Variants in GALNTL6 observed in about 807,000 individuals in gnomAD.
The protein encoded by GALNTL6 is polypeptide N-acetylgalactosaminyltransferase-like 6.
Under a neutral mutation model 73.7 loss-of-function variants are expected in GALNTL6, and 46 were observed. The observed-to-expected ratio is 0.62, with a 90% CI of 0.49 to 0.80. The LOEUF is 0.80. GALNTL6 is among the 30% of genes least tolerant of loss of function. The pLI is 0.00. For synonymous variants in GALNTL6, 259 were observed against 263.7 expected, an observed-to-expected ratio of 0.98 and a Z score of 0.17; for missense variants, 604 against 755.0, an observed-to-expected ratio of 0.80 and a Z score of 2.34.
chr4:172,539,898 T>G (rs927702144), intron 5 of GALNTL6, among the ~76,000 whole-genome samples: 3 of 138,836 alleles, frequency 2.2e-5, no homozygotes, highest in Non-Finnish European at 3.0e-5. Context: ...TATATATATA[T>G]ATATATATAA....
chr4:172,380,450 T>C, intron 5 of GALNTL6: 1 of 520,686 alleles, frequency 1.9e-6, no homozygotes, highest in Non-Finnish European at 3.7e-6. Context: ...CAGCAAAAGC[T>C]GGGTTTCCTT....
chr4:172,354,308 A>T (rs1356811777), intron 5 of GALNTL6, among the ~76,000 whole-genome samples: 1 of 152,176 alleles, frequency 6.6e-6, no homozygotes, highest in Admixed American at 6.5e-5. Flanking sequence ...AAACTACAAT[A>T]TCAAACCAAA....
At chr4:172,864,086 A>G (rs1744538029) in intron 7 of GALNTL6, among the ~76,000 whole-genome samples, 1 of 152,170 alleles carries the variant, frequency 6.6e-6, no homozygotes, top group African/African-American at 2.4e-5. Flanking sequence ...GCTTTCTGCC[A>G]TGACTGTGAG....
intron 2 of GALNTL6, among the ~76,000 whole-genome samples, chr4:172,112,095 T>A (rs775226719): frequency 6.6e-6 from 1 of 152,064 alleles, no homozygotes; most frequent in Non-Finnish European, 1.5e-5. Flanking sequence ...AAACCAATAA[T>A]CTTTTAACTG....
At chr4:172,031,581 G>T (rs1403375424) in intron 2 of GALNTL6, among the ~76,000 whole-genome samples, 2 of 152,004 alleles carry the variant, frequency 1.3e-5, no homozygotes, top group Admixed American at 6.6e-5. Context: ...TTATTGAGTG[G>T]CAAGGAAGTA....
intron 3 of GALNTL6, among the ~76,000 whole-genome samples, chr4:172,299,143 G>A (rs1371891508): frequency 6.6e-6 from 1 of 152,170 alleles, no homozygotes; most frequent in African/African-American, 2.4e-5. Flanking sequence ...AGACTTTCTA[G>A]TTTATTTGTG....
chr4:172,759,571 C>T (rs1737946532), intron 5 of GALNTL6, among the ~76,000 whole-genome samples: 2 of 152,164 alleles, frequency 1.3e-5, no homozygotes, highest in Non-Finnish European at 2.9e-5. Context: ...TTAGGGTCTC[C>T]TCCCATAGGC....
intron 2 of GALNTL6, among the ~76,000 whole-genome samples, chr4:172,019,247 G>T (rs751236193): frequency 2.0e-5 from 3 of 152,036 alleles, no homozygotes; most frequent in Non-Finnish European, 4.4e-5. Flanking sequence ...CATTAGTCCT[G>T]CCTCCTATCC....
chr4:172,030,009 A>T (rs145157111), intron 2 of GALNTL6, among the ~76,000 whole-genome samples: 1 of 152,272 alleles, frequency 6.6e-6, no homozygotes, highest in Non-Finnish European at 1.5e-5. Flanking sequence ...TGTCGAACTC[A>T]GTTCACTTTT....
chr4:172,358,183 A>G (rs1343433203), intron 5 of GALNTL6, among the ~76,000 whole-genome samples: 1 of 152,222 alleles, frequency 6.6e-6, no homozygotes, highest in African/African-American at 2.4e-5. Flanking sequence ...CTTGAATTCA[A>G]GTTCCAGCTC....
intron 5 of GALNTL6, among the ~76,000 whole-genome samples, chr4:172,794,053 G>C (rs1210945093): frequency 2.0e-5 from 3 of 152,152 alleles, no homozygotes; most frequent in African/African-American, 7.2e-5. Context: ...CTGTAGAACA[G>C]AAATGCAGTC....
intron 9 of GALNTL6, among the ~76,000 whole-genome samples, chr4:172,942,099 G>A (rs1181995810): frequency 6.6e-6 from 1 of 152,134 alleles, no homozygotes; most frequent in Non-Finnish European, 1.5e-5. Flanking sequence ...ACTGAGAAAT[G>A]GTCAAAAACA....
intron 2 of GALNTL6, among the ~76,000 whole-genome samples, chr4:172,132,446 A>C (rs970354102): frequency 2.0e-5 from 3 of 152,252 alleles, no homozygotes; most frequent in African/African-American, 7.2e-5. Context: ...AAATACTTTA[A>C]GCCTCAACAT....
At chr4:172,547,397 G>A (rs4247206) in intron 5 of GALNTL6, among the ~76,000 whole-genome samples, 126,525 of 152,012 alleles carry the variant, frequency 0.83, 52,799 homozygotes, top group Non-Finnish European at 0.87. Context: ...TCTTGAATAA[G>A]CCCAATTTGA....
At chr4:172,556,915 A>C (rs999623857) in intron 5 of GALNTL6, among the ~76,000 whole-genome samples, 39 of 152,246 alleles carry the variant, frequency 2.6e-4, no homozygotes, top group African/African-American at 9.1e-4. Context: ...ATACTAGGCC[A>C]TTGGACTAGA....
At chr4:172,569,957 T>C (rs1014102156) in intron 5 of GALNTL6, among the ~76,000 whole-genome samples, 6 of 152,186 alleles carry the variant, frequency 3.9e-5, no homozygotes, top group Admixed American at 3.9e-4. Flanking sequence ...ATGTGAATAA[T>C]ATAGTACCAG....
At chr4:172,766,589 T>C (rs1239854043) in intron 5 of GALNTL6, among the ~76,000 whole-genome samples, 1 of 152,208 alleles carries the variant, frequency 6.6e-6, no homozygotes, top group African/African-American at 2.4e-5. Context: ...AAAAGGACTA[T>C]GGAGAACCAT....
chr4:172,921,404 A>G (rs1284347251), intron 8 of GALNTL6, among the ~76,000 whole-genome samples: 2 of 152,222 alleles, frequency 1.3e-5, no homozygotes, highest in Non-Finnish European at 2.9e-5. Flanking sequence ...AACATTCTCT[A>G]TGTCCAAATT....
chr4:172,282,729 G>T lies in GALNTL6; in HGVS notation c.248-28885G>T, dbSNP rs1047494755. On this transcript the variant is annotated intron_variant, in intron 3 of 12. Coordinates refer to ENST00000506823, the MANE Select transcript of GALNTL6 (RefSeq NM_001034845.3). ...TATGTTAGAAATCAGTAACTAAAAGGATTAGGGTGATGGCGATGGAACTGC... is the reference window on the plus strand; with the variant it reads ...TATGTTAGAAATCAGTAACTAAAAGTATTAGGGTGATGGCGATGGAACTGC... Among the ~76,000 whole-genome samples, 4 of 150,778 alleles carry T rather than the reference G, an allele frequency of 2.7e-5. No individual in the cohort carries two copies. In the East Asian group the frequency reaches 5.8e-4, roughly 22 times the overall value.
Sources: gnomAD v4.1 joint callset for allele counts (sites outside exome capture counted in the v4.1 genomes callset) on GRCh38, gnomAD v4.1.1 for gene constraint, MANE v1.5 for transcripts, NCBI Gene and HGNC (gene_info 2026-07-23, HGNC 2026-07-21) for gene names.